Variants in SNTG2 observed in about 807,000 individuals in gnomAD.
The protein encoded by SNTG2 is gamma-2-syntrophin.
SNTG2 carries 74 observed loss-of-function variants against 70.9 expected under a neutral mutation model. The ratio of observed to expected loss-of-function variants is 1.04; its 90% CI spans 0.86 to 1.27. SNTG2 has a LOEUF of 1.27. SNTG2 is among the 50% of genes most tolerant of loss of function. SNTG2 has a pLI of 0.00. For synonymous variants in SNTG2, 278 were observed against 273.8 expected, an observed-to-expected ratio of 1.02 and a Z score of -0.15; for missense variants, 717 against 690.7, an observed-to-expected ratio of 1.04 and a Z score of -0.43.
chr2:954,381 G>A (rs1660075907), intron 1 of SNTG2, among the ~76,000 whole-genome samples: 1 of 152,112 alleles, frequency 6.6e-6, no homozygotes. Context: ...AGTTCTAGAG[G>A]TATTTTTGTT....
chr2:996,702 T>TTTTTTTTTG (rs1661698770), intron 1 of SNTG2, among the ~76,000 whole-genome samples: 1 of 106,182 alleles, frequency 9.4e-6, no homozygotes, highest in Non-Finnish European at 2.0e-5. Context: ...TTTTTTTTTT[T>TTTTTTTTTG]TTACTACCAC....
intron 9 of SNTG2, among the ~76,000 whole-genome samples, chr2:1,222,187 G>A (rs1284076574): frequency 7.1e-6 from 1 of 141,456 alleles, no homozygotes; most frequent in Non-Finnish European, 1.5e-5. Flanking sequence ...TTCTCCCTCT[G>A]CAGCCTCTCA....
chr2:1,250,595 T>C (rs934419584), intron 12 of SNTG2, among the ~76,000 whole-genome samples: 1 of 152,110 alleles, frequency 6.6e-6, no homozygotes, highest in African/African-American at 2.4e-5. Flanking sequence ...TTTGTCTCTC[T>C]CTGTCTGACT....
intron 1 of SNTG2, among the ~76,000 whole-genome samples, chr2:1,054,119 G>T (rs933990703): frequency 6.6e-6 from 1 of 152,170 alleles, no homozygotes; most frequent in Non-Finnish European, 1.5e-5. Context: ...CTGGGGCACT[G>T]CGGACCCGTG....
intron 9 of SNTG2, among the ~76,000 whole-genome samples, chr2:1,224,398 G>T (rs1476156503): frequency 6.6e-6 from 1 of 152,116 alleles, no homozygotes; most frequent in Non-Finnish European, 1.5e-5. Flanking sequence ...GCACAGTCCT[G>T]GGGATGCCAC....
At chr2:1,194,050 C>T (rs1672757317) in intron 8 of SNTG2, among the ~76,000 whole-genome samples, 1 of 152,254 alleles carries the variant, frequency 6.6e-6, no homozygotes, top group Admixed American at 6.5e-5. Flanking sequence ...ACCAGGTGTG[C>T]ACAGGGCAGG....
chr2:1,134,686 T>TGCAGGTGGAGCC (rs1668252691), intron 4 of SNTG2, among the ~76,000 whole-genome samples: 1 of 152,184 alleles, frequency 6.6e-6, no homozygotes, highest in Admixed American at 6.5e-5. Context: ...CCACCGGGGC[T>TGCAGGTGGAGCC]GCAGGTGGAG....
chr2:1,196,319 G>A (rs1342941312), intron 8 of SNTG2, among the ~76,000 whole-genome samples: 1 of 151,942 alleles, frequency 6.6e-6, no homozygotes, highest in Admixed American at 6.5e-5. Context: ...AAATAACCCA[G>A]TCAGACAAAC....
At chr2:1,228,551 T>G (rs915544426) in intron 9 of SNTG2, among the ~76,000 whole-genome samples, 1 of 152,232 alleles carries the variant, frequency 6.6e-6, no homozygotes, top group Non-Finnish European at 1.5e-5. Flanking sequence ...TAGAAATTAC[T>G]GCTGTGTCCC....
intron 4 of SNTG2, among the ~76,000 whole-genome samples, chr2:1,117,901 C>G (rs565109050): frequency 2.4e-4 from 37 of 152,316 alleles, no homozygotes; most frequent in African/African-American, 8.7e-4. Flanking sequence ...CTGCTGTGCC[C>G]TGTTGGTTTT....
chr2:1,181,529 G>A (rs539460689), intron 8 of SNTG2, among the ~76,000 whole-genome samples: 16 of 152,280 alleles, frequency 1.1e-4, no homozygotes, highest in African/African-American at 3.9e-4. Flanking sequence ...CAGAGGAATG[G>A]TTTCTGTCTT....
intron 4 of SNTG2, among the ~76,000 whole-genome samples, chr2:1,125,638 T>G (rs1230982327): frequency 6.6e-6 from 1 of 152,166 alleles, no homozygotes; most frequent in Non-Finnish European, 1.5e-5. Flanking sequence ...ATGCTACTTT[T>G]CTTAAAGATT....
At chr2:1,194,917 C>A (rs989103214) in intron 8 of SNTG2, among the ~76,000 whole-genome samples, 1 of 152,084 alleles carries the variant, frequency 6.6e-6, no homozygotes, top group African/African-American at 2.4e-5. Flanking sequence ...ATGATGTTCC[C>A]CTCCCTGTGT....
At chr2:1,203,512 G>A (rs915596421) in intron 8 of SNTG2, among the ~76,000 whole-genome samples, 2 of 151,442 alleles carry the variant, frequency 1.3e-5, no homozygotes, top group African/African-American at 4.9e-5. Flanking sequence ...AAAAAAGCCA[G>A]GCATGGTGGT....
At chr2:1,146,223 A>G (rs994715517) in intron 6 of SNTG2, among the ~76,000 whole-genome samples, 11 of 152,204 alleles carry the variant, frequency 7.2e-5, no homozygotes, top group African/African-American at 2.2e-4. Context: ...GTTATTTATT[A>G]TATACAATTT....
intron 1 of SNTG2, among the ~76,000 whole-genome samples, chr2:1,020,368 G>A (rs1295520874): frequency 6.6e-6 from 1 of 152,200 alleles, no homozygotes; most frequent in Non-Finnish European, 1.5e-5. Context: ...CCCTGGACTG[G>A]CCAGATGGTG....
chr2:1,090,447 AAG>A (rs1201320656), intron 2 of SNTG2, among the ~76,000 whole-genome samples: 1 of 152,212 alleles, frequency 6.6e-6, no homozygotes, highest in Non-Finnish European at 1.5e-5. Flanking sequence ...CCTTGGAGGA[AAG>A]AACTGGGTTG....
intron 1 of SNTG2, among the ~76,000 whole-genome samples, chr2:1,071,704 C>T (rs1266723021): frequency 6.6e-6 from 1 of 150,702 alleles, no homozygotes. Context: ...GTGTTGAATG[C>T]TTAGATAGGC....
chr2:1,038,281 T>C (rs1033289604), intron 1 of SNTG2, among the ~76,000 whole-genome samples: 5 of 152,320 alleles, frequency 3.3e-5, no homozygotes, highest in Admixed American at 2.6e-4. Context: ...CCATAATACA[T>C]TTTGGGCAAG....
Sources: allele counts gnomAD v4.1 joint callset (sites outside exome capture counted in the v4.1 genomes callset), GRCh38; gene constraint gnomAD v4.1.1; transcripts MANE v1.5; gene names NCBI Gene and HGNC (gene_info 2026-07-23, HGNC 2026-07-21).